The following TAFA2 variants were observed in gnomAD, a reference collection of about 807,000 sequenced individuals.
TAFA2 encodes the protein TAFA chemokine like family member 2, also known as chemokine-like protein TAFA-2.
TAFA2 carries 7 observed loss-of-function variants against 18.8 expected under a neutral mutation model. That is an observed-to-expected ratio of 0.37 (90% CI 0.21 to 0.70). The LOEUF (loss-of-function observed/expected upper bound fraction) is 0.70, where lower values mean the gene tolerates loss of function less well. TAFA2 is among the 30% of genes least tolerant of loss of function. The pLI is 0.53. For missense variants in TAFA2, 122 were observed against 158.1 expected, an observed-to-expected ratio of 0.77 and a Z score of 1.23; for synonymous variants, 60 against 54.2, an observed-to-expected ratio of 1.11 and a Z score of -0.47.
At chr12:61,738,900 G>A (rs1185988408) in intron 4 of TAFA2, among the ~76,000 whole-genome samples, 1 of 152,052 alleles carries the variant, frequency 6.6e-6, no homozygotes, top group African/African-American at 2.4e-5. Context: ...TCTTTAACAA[G>A]ACTGACTGCT....
intron 1 of TAFA2, among the ~76,000 whole-genome samples, chr12:62,017,124 AT>A (rs1880964905): frequency 6.6e-6 from 1 of 152,186 alleles, no homozygotes; most frequent in Admixed American, 6.5e-5. Flanking sequence ...TGTTTCATAC[AT>A]AAACTCAAGT....
intron 2 of TAFA2, among the ~76,000 whole-genome samples, chr12:61,840,208 G>T (rs1394901019): frequency 1.3e-5 from 2 of 151,982 alleles, no homozygotes; most frequent in African/African-American, 4.8e-5. Flanking sequence ...ATTATGAAGT[G>T]GGAAGCAGTG....
chr12:62,095,455 A>G (rs1287217696), intron 1 of TAFA2, among the ~76,000 whole-genome samples: 1 of 152,170 alleles, frequency 6.6e-6, no homozygotes. Context: ...CAGTGCACTG[A>G]AATTCTGTAA....
At chr12:62,199,030 T>C (rs142051027) in intron 1 of TAFA2, among the ~76,000 whole-genome samples, 826 of 151,086 alleles carry the variant, frequency 5.5e-3, no homozygotes, top group South Asian at 0.014. Context: ...TTAGTTCACA[T>C]TTCTGTGGAT....
intron 1 of TAFA2, among the ~76,000 whole-genome samples, chr12:62,237,870 C>T (rs2062845270): frequency 6.6e-6 from 1 of 152,140 alleles, no homozygotes; most frequent in African/African-American, 2.4e-5. Flanking sequence ...GGAAGGTTGG[C>T]TAGGAGTTCA....
intron 1 of TAFA2, among the ~76,000 whole-genome samples, chr12:62,161,658 C>T (rs905235210): frequency 4.6e-5 from 7 of 152,116 alleles, no homozygotes; most frequent in African/African-American, 9.7e-5. Flanking sequence ...ACACAATCTA[C>T]ACTTGTAACA....
chr12:61,976,858 C>A (rs35039559), intron 1 of TAFA2, among the ~76,000 whole-genome samples: 36,653 of 151,914 alleles, frequency 0.24, 4,736 homozygotes, highest in South Asian at 0.43. Context: ...TGAACTCATC[C>A]TTTTTTATGG....
At chr12:62,177,272 A>G (rs916275951) in intron 1 of TAFA2, among the ~76,000 whole-genome samples, 3 of 152,228 alleles carry the variant, frequency 2.0e-5, no homozygotes, top group Non-Finnish European at 2.9e-5. Context: ...CCTCACTTTC[A>G]TCCATGGCTC....
intron 1 of TAFA2, among the ~76,000 whole-genome samples, chr12:62,067,657 CTGTTCCACTGATCTA>C (rs1882525395): frequency 6.6e-6 from 1 of 152,006 alleles, no homozygotes; most frequent in Non-Finnish European, 1.5e-5. Context: ...GTTATCTTTT[CTGTTCCACTGATCTA>C]TGTCTGTTTT....
chr12:61,791,887 A>C (rs1870996566), intron 2 of TAFA2, among the ~76,000 whole-genome samples: 1 of 151,780 alleles, frequency 6.6e-6, no homozygotes, highest in African/African-American at 2.4e-5. Context: ...TAGAAAATGA[A>C]ATCAGTATGT....
At chr12:62,211,498 T>C (rs2062714044) in intron 1 of TAFA2, among the ~76,000 whole-genome samples, 1 of 151,608 alleles carries the variant, frequency 6.6e-6, no homozygotes, top group African/African-American at 2.4e-5. Context: ...GAGAACTGCT[T>C]GAACCTGGGA....
intron 2 of TAFA2, among the ~76,000 whole-genome samples, chr12:61,756,252 T>A (rs1204751359): frequency 1.3e-5 from 2 of 152,046 alleles, no homozygotes; most frequent in East Asian, 1.9e-4. Flanking sequence ...CATATAATCC[T>A]CAATAGAACC....
intron 1 of TAFA2, among the ~76,000 whole-genome samples, chr12:62,168,969 C>CACACACAT (rs2062458728): frequency 6.6e-6 from 1 of 151,784 alleles, no homozygotes; most frequent in Non-Finnish European, 1.5e-5. Flanking sequence ...CACACACACA[C>CACACACAT]ACATATTTTT....
intron 1 of TAFA2, among the ~76,000 whole-genome samples, chr12:62,092,235 T>A (rs1868747009): frequency 6.6e-6 from 1 of 151,954 alleles, no homozygotes; most frequent in Admixed American, 6.6e-5. Context: ...AACCACTATA[T>A]AAAAACATAA....
intron 1 of TAFA2, among the ~76,000 whole-genome samples, chr12:61,901,996 C>A (rs1876122313): frequency 6.7e-6 from 1 of 150,350 alleles, no homozygotes; most frequent in Non-Finnish European, 1.5e-5. Context: ...TAGGACTTAG[C>A]TAGCTATACC....
chr12:61,871,058 G>A (rs1187580289), intron 1 of TAFA2, among the ~76,000 whole-genome samples: 1 of 152,096 alleles, frequency 6.6e-6, no homozygotes, highest in East Asian at 1.9e-4. Context: ...TAACATGAGA[G>A]GAAGGAAGTG....
At chr12:61,718,897 G>A (rs1373136063) in intron 4 of TAFA2, among the ~76,000 whole-genome samples, 1 of 152,218 alleles carries the variant, frequency 6.6e-6, no homozygotes, top group African/African-American at 2.4e-5. Flanking sequence ...ATGAGTTTAA[G>A]ATAGTTGGAG....
upstream of TAFA2, among the ~76,000 whole-genome samples, chr12:62,193,101 T>C (rs2062634305): frequency 6.6e-6 from 1 of 152,196 alleles, no homozygotes; most frequent in African/African-American, 2.4e-5. Context: ...AAATTGGGTG[T>C]CGGTTTAAGC....
At chr12:62,016,711 C>T (rs939950874) in intron 1 of TAFA2, among the ~76,000 whole-genome samples, 4 of 152,148 alleles carry the variant, frequency 2.6e-5, no homozygotes, top group Non-Finnish European at 5.9e-5. Context: ...TCATTCATAC[C>T]GATAGCAAAA....
Sources: gnomAD v4.1 joint callset for allele counts (sites outside exome capture counted in the v4.1 genomes callset) on GRCh38, gnomAD v4.1.1 for gene constraint, MANE v1.5 for transcripts, NCBI Gene and HGNC (gene_info 2026-07-23, HGNC 2026-07-21) for gene names.